The following LYN variants were observed in gnomAD, a reference collection of about 807,000 sequenced individuals.
LYN encodes LYN proto-oncogene, Src family tyrosine kinase, also known as tyrosine-protein kinase Lyn.
A neutral mutation model predicts 65.0 loss-of-function variants in LYN; 12 were observed. The ratio of observed to expected loss-of-function variants is 0.18; its 90% CI spans 0.12 to 0.30. The LOEUF is 0.30. Among genes scored for constraint, LYN ranks in the 10% least tolerant of loss-of-function variants. The pLI, the probability that LYN is intolerant of heterozygous loss-of-function variation, is 1.00. For synonymous variants in LYN, 222 were observed against 221.2 expected (o/e 1.00, Z -0.03); for missense variants, 380 against 623.2 (o/e 0.61, Z 4.16).
chr8:55,911,102 T>TACATATAC (rs1805595401), intron 1 of LYN, among the ~76,000 whole-genome samples: 1 of 28,856 alleles, frequency 3.5e-5, no homozygotes, highest in Non-Finnish European at 6.3e-5. Flanking sequence ...TATATATACA[T>TACATATAC]ACACGTATAT....
intron 1 of LYN, among the ~76,000 whole-genome samples, chr8:55,927,229 C>T (rs544514254): frequency 9.4e-4 from 143 of 152,280 alleles, no homozygotes; most frequent in African/African-American, 3.3e-3. Flanking sequence ...TAAAAATCCC[C>T]CATTCTTCAC....
At chr8:55,922,738 G>T (rs1316513646) in intron 1 of LYN, among the ~76,000 whole-genome samples, 1 of 151,672 alleles carries the variant, frequency 6.6e-6, no homozygotes, top group African/African-American at 2.4e-5. Flanking sequence ...CTGCACTCCA[G>T]CCTGGGCAAA....
In LYN at chr8:55,999,403, T is replaced by A; in HGVS notation, c.1205-15T>A. ...TTTAAATACCCAAGTAAGAACCACA[T>A]ATCTTCTTCCTTAGGTGCTAAGTTC... On this transcript the variant is annotated splice_polypyrimidine_tract_variant and intron_variant, in intron 11 of 12. Transcript: ENST00000519728. 2 of 1,611,694 alleles carry A rather than the reference T, an allele frequency of 1.2e-6. No individual in the cohort carries two copies. The highest frequency in any genetic ancestry group is 1.7e-6 in the Non-Finnish European group (2 of 1,178,402).
At chr8:55,963,299 A>G (rs1339738439) in intron 8 of LYN, among the ~76,000 whole-genome samples, 1 of 152,192 alleles carries the variant, frequency 6.6e-6, no homozygotes, top group Non-Finnish European at 1.5e-5. Context: ...CTTATTTTGC[A>G]AAGTGCTGGT....
chr8:55,986,886 C>T (rs554835263), intron 10 of LYN, among the ~76,000 whole-genome samples: 9 of 152,228 alleles, frequency 5.9e-5, no homozygotes, highest in East Asian at 5.8e-4. Context: ...CCACTACACC[C>T]GGCTAATTTT....
chr8:55,900,756 T>C (rs923906886), intron 1 of LYN, among the ~76,000 whole-genome samples: 2 of 152,146 alleles, frequency 1.3e-5, no homozygotes, highest in Non-Finnish European at 2.9e-5. Context: ...GATTAAACCT[T>C]CTCTTCAGTA....
chr8:55,932,078 A>G (rs1206370531), intron 1 of LYN, among the ~76,000 whole-genome samples: 1 of 152,224 alleles, frequency 6.6e-6, no homozygotes, highest in African/African-American at 2.4e-5. Flanking sequence ...TTGCAAAACC[A>G]TTTGAGTTGA....
At chr8:55,998,759 T>C (rs1808441578) in intron 11 of LYN, among the ~76,000 whole-genome samples, 1 of 152,232 alleles carries the variant, frequency 6.6e-6, no homozygotes, top group Non-Finnish European at 1.5e-5. Flanking sequence ...AAAACACAAA[T>C]AGATTCAGCA....
At chr8:55,936,247 T>G (rs1355405869) in intron 1 of LYN, among the ~76,000 whole-genome samples, 5 of 152,222 alleles carry the variant, frequency 3.3e-5, no homozygotes, top group Non-Finnish European at 5.9e-5. Flanking sequence ...CAGGCTTCCT[T>G]TCTCTTCCTC....
intron 1 of LYN, among the ~76,000 whole-genome samples, chr8:55,899,654 T>C (rs1585574520): frequency 6.6e-6 from 1 of 152,172 alleles, no homozygotes. Flanking sequence ...CTTTTCTTTT[T>C]TCTTTTCTTT....
At chr8:55,905,823 C>G (rs1186090468) in intron 1 of LYN, among the ~76,000 whole-genome samples, 1 of 152,112 alleles carries the variant, frequency 6.6e-6, no homozygotes, top group Non-Finnish European at 1.5e-5. Context: ...GCTCCAGGGA[C>G]TTCCCATTAG....
At position 55,909,024 on chromosome 8, in the gene LYN, CA is replaced by C. The variant is rs1563504844; in HGVS notation, c.-6+28922del. On this transcript the variant is annotated intron_variant, in intron 1 of 12. Coordinates refer to ENST00000519728, the MANE Select transcript of LYN (RefSeq NM_002350.4). ...ATATATATATATACACACACACACA[CA>C]CACACACACACACACACACACACAC... is the stretch of plus-strand genomic sequence containing the variant. 2.3e-4 allele frequency among the ~76,000 whole-genome samples: 17 copies of C among 73,520 alleles called. 2 individuals carry two copies. In the South Asian group the frequency reaches 2.4e-3, roughly 10 times the overall value. The allele number at this position is 73,520 out of a possible 152,430, so 48.2% of individuals were successfully genotyped here.
At chr8:55,992,900 C>T (rs1475456556) in intron 10 of LYN, among the ~76,000 whole-genome samples, 1 of 152,162 alleles carries the variant, frequency 6.6e-6, no homozygotes, top group Non-Finnish European at 1.5e-5. Flanking sequence ...ATGACCCAAT[C>T]ACCTCCTAAA....
chr8:55,903,273 G>A (rs747938237), intron 1 of LYN, among the ~76,000 whole-genome samples: 20 of 152,234 alleles, frequency 1.3e-4, no homozygotes, highest in Non-Finnish European at 2.6e-4. Context: ...GATTACAGGC[G>A]TGAGCCACCG....
chr8:55,909,494 G>A (rs1393449008), intron 1 of LYN, among the ~76,000 whole-genome samples: 2 of 152,220 alleles, frequency 1.3e-5, no homozygotes, highest in African/African-American at 4.8e-5. Context: ...TCTTTATCTA[G>A]TCATCCGCTG....
intron 1 of LYN, among the ~76,000 whole-genome samples, chr8:55,929,581 C>T (rs185354942): frequency 2.0e-5 from 3 of 152,276 alleles, no homozygotes; most frequent in African/African-American, 7.2e-5. Context: ...GCAATTAAAA[C>T]ATCAGATTTC....
At position 55,894,949 on chromosome 8, in the gene LYN, C is replaced by G. The variant is rs977824090; in HGVS notation, c.-6+14846C>G. 2.0e-5 allele frequency among the ~76,000 whole-genome samples: 3 copies of G among 152,122 alleles called. No individual in the cohort carries two copies. The South Asian group carries it at 6.2e-4, about 31-fold the overall frequency. ...CCATGTGCTTCAGCCTCCCAAAGTG[C>G]TGGGATTACAGGTGTGAGCCACAGT... is the stretch of plus-strand genomic sequence containing the variant. On this transcript the variant is annotated intron_variant, in intron 1 of 12. Coordinates refer to ENST00000519728, the MANE Select transcript of LYN (RefSeq NM_002350.4).
rs537188126 is a variant in LYN, at chr8:55,932,410, A to T, written c.-5-9445A>T. On this transcript the variant is annotated intron_variant, in intron 1 of 12. Coordinates refer to ENST00000519728, the MANE Select transcript of LYN (RefSeq NM_002350.4). ...AATCTTTTAAAACAATTATATATAT[A>T]TTTTTTGTTTGTTTGTTTTTGTTTT... Among the ~76,000 whole-genome samples the T allele has an allele frequency of 3.0e-3, 315 of 105,972 alleles. 3 individuals are homozygous for T. Among genetic ancestry groups the T allele is most frequent in the African/African-American group, 0.012 (294 of 25,032 alleles). The allele number at this position is 105,972 out of a possible 152,430, so 69.5% of individuals were successfully genotyped here. A position where few individuals can be genotyped will look rare whatever the true frequency, so the allele number is the denominator to read the frequency against.
intron 1 of LYN, among the ~76,000 whole-genome samples, chr8:55,895,249 G>A (rs1805061777): frequency 6.6e-6 from 1 of 152,136 alleles, no homozygotes; most frequent in Admixed American, 6.6e-5. Context: ...CCTGAGAATG[G>A]AGGGAATATT....
Sources: gnomAD v4.1 joint callset for allele counts (sites outside exome capture counted in the v4.1 genomes callset) on GRCh38, gnomAD v4.1.1 for gene constraint, MANE v1.5 for transcripts, NCBI Gene and HGNC (gene_info 2026-07-23, HGNC 2026-07-21) for gene names.